The following AIG1 variants were observed in gnomAD, a reference collection of about 807,000 sequenced individuals.
The protein encoded by AIG1 is androgen induced 1, also known as androgen-induced gene 1 protein.
AIG1 carries 23 observed loss-of-function variants against 31.4 expected under a neutral mutation model. The ratio of observed to expected loss-of-function variants is 0.73; its 90% CI spans 0.53 to 1.04. AIG1 has a LOEUF of 1.04. Ranked by LOEUF, AIG1 falls within the 50% of genes least tolerant of loss-of-function variation. The pLI, the probability that AIG1 is intolerant of heterozygous loss-of-function variation, is 0.00. For synonymous variants in AIG1, 100 were observed against 110.5 expected, an observed-to-expected ratio of 0.90 and a Z score of 0.60; for missense variants, 274 against 295.0, an observed-to-expected ratio of 0.93 and a Z score of 0.52.
chr6:143,274,799 C>T (rs531077085), intron 3 of AIG1, among the ~76,000 whole-genome samples: 1 of 152,178 alleles, frequency 6.6e-6, no homozygotes, highest in South Asian at 2.1e-4. Context: ...TCTACACTAC[C>T]TTTGACAAGT....
Position 143,338,293 on chromosome 6 carries a change from T to A in AIG1, c.680-1346T>A. ...TGTTGTACCTTCTTGCCTTCAAACC[T>A]GTTCCTCCTCCCGTCAGATGTCCTT... On this transcript the variant is annotated intron_variant, in intron 5 of 5. Transcript: ENST00000357847. This position sits in a 1 kb window ranked among gnomAD's most constrained non-coding sequence, Gnocchi z 4.3. The A allele has an allele frequency of 3.0e-6, 1 of 336,006 alleles. No homozygotes were observed. Among genetic ancestry groups the A allele is most frequent in the Non-Finnish European group, 5.3e-6 (1 of 187,008 alleles). 20.8% of individuals were successfully genotyped at this position (336,006 alleles called of 1,614,324 possible). A position where few individuals can be genotyped will look rare whatever the true frequency, so the allele number is the denominator to read the frequency against.
downstream of AIG1, among the ~76,000 whole-genome samples, chr6:143,343,548 G>GA (rs1428113987): frequency 6.6e-6 from 1 of 152,030 alleles, no homozygotes; most frequent in Non-Finnish European, 1.5e-5. Flanking sequence ...TTCAGAAAGT[G>GA]AAAATGACAT....
intron 3 of AIG1, among the ~76,000 whole-genome samples, chr6:143,272,809 A>C (rs1388217805): frequency 6.6e-6 from 1 of 151,132 alleles, no homozygotes; most frequent in Non-Finnish European, 1.5e-5. Context: ...AGGCAATGCC[A>C]AGAAACTTGG....
chr6:143,196,419 C>T (rs1790251416), intron 3 of AIG1, among the ~76,000 whole-genome samples: 1 of 150,484 alleles, frequency 6.6e-6, no homozygotes, highest in African/African-American at 2.5e-5. Context: ...AGTTGGAAAA[C>T]TGGCTGCACG....
At chr6:143,187,176 T>C (rs1392360758) in intron 3 of AIG1, among the ~76,000 whole-genome samples, 1 of 152,234 alleles carries the variant, frequency 6.6e-6, no homozygotes, top group African/African-American at 2.4e-5. Context: ...TAAAAGCTGA[T>C]ATAAAATGTA....
intron 3 of AIG1, among the ~76,000 whole-genome samples, chr6:143,198,668 C>T (rs1488115827): frequency 6.6e-6 from 1 of 152,128 alleles, no homozygotes; most frequent in East Asian, 1.9e-4. Context: ...GGTTGTTCCT[C>T]ATCTGCATAG....
intron 1 of AIG1, among the ~76,000 whole-genome samples, chr6:143,086,401 TC>T (rs59270598): frequency 0.13 from 19,256 of 152,076 alleles, 3,776 homozygotes; most frequent in African/African-American, 0.42. Flanking sequence ...TGCCTCTCTT[TC>T]CCCTCTCTCT....
At chr6:143,300,891 G>A (rs1020022859) in intron 4 of AIG1, among the ~76,000 whole-genome samples, 6 of 152,178 alleles carry the variant, frequency 3.9e-5, no homozygotes, top group Non-Finnish European at 8.8e-5. Flanking sequence ...AAACTATTGA[G>A]ATGTAGCTGG....
intron 5 of AIG1, among the ~76,000 whole-genome samples, chr6:143,336,925 A>G (rs760727635): frequency 6.6e-5 from 10 of 151,672 alleles, no homozygotes; most frequent in East Asian, 1.9e-4. Context: ...TTGCAGGGGG[A>G]AAAAAAAAGA....
chr6:143,192,560 G>A (rs561556265), intron 3 of AIG1, among the ~76,000 whole-genome samples: 5 of 150,664 alleles, frequency 3.3e-5, no homozygotes, highest in East Asian at 3.9e-4. Context: ...AGCCAAGATC[G>A]TACTACTTGC....
chr6:143,104,565 T>C lies in AIG1; in HGVS notation c.142-32270T>C, dbSNP rs1183990376. On this transcript the variant is annotated intron_variant, in intron 1 of 5. Coordinates refer to ENST00000357847, the MANE Select transcript of AIG1 (RefSeq NM_016108.4). ...TTTCCCAGGTGTGAGCTCTTCTGTT[T>C]GTGTTTTTATGTTTTAGTGCTGGAT... is the stretch of plus-strand genomic sequence containing the variant. Among the ~76,000 whole-genome samples the C allele has an allele frequency of 2.6e-5, 4 of 152,192 alleles. No individual in the cohort carries two copies. In the East Asian group the frequency reaches 7.7e-4, roughly 29 times the overall value.
downstream of AIG1, chr6:143,343,387 TG>T: frequency 1.8e-6 from 1 of 564,868 alleles, no homozygotes. Context: ...TAAGTAAAAC[TG>T]GGATTGCACA....
chr6:143,329,472 A>G lies in AIG1; in HGVS notation c.516-3810A>G, dbSNP rs1776892798. On this transcript the variant is annotated intron_variant, in intron 4 of 5. Transcript: ENST00000357847. The surrounding 1 kb of genome is among the most constrained non-coding windows in gnomAD (Gnocchi z 4.9). ...GTTGCAAACCTGAGAATTTCACATT[A>G]CATTAGCAGCTCTGACATAGTCTCA... Among the ~76,000 whole-genome samples, 1 of 152,214 alleles carries G rather than the reference A, an allele frequency of 6.6e-6. No individual in the cohort carries two copies. The highest frequency in any genetic ancestry group is 2.4e-5 in the African/African-American group (1 of 41,468).
chr6:143,342,426 G>T, downstream of AIG1: 1 of 752,122 alleles, frequency 1.3e-6, no homozygotes, highest in South Asian at 1.4e-5. Context: ...CAGTAAGGTT[G>T]AACCTCGAAG....
chr6:143,207,482 G>A (rs995081326), intron 3 of AIG1, among the ~76,000 whole-genome samples: 3 of 151,320 alleles, frequency 2.0e-5, no homozygotes, highest in African/African-American at 7.3e-5. Context: ...GCTACATGCA[G>A]CAAACTTTCA....
At chr6:143,265,686 A>G (rs890332164) in intron 3 of AIG1, among the ~76,000 whole-genome samples, 1 of 152,168 alleles carries the variant, frequency 6.6e-6, no homozygotes, top group East Asian at 1.9e-4. Flanking sequence ...AACACAATAT[A>G]CCTCACTAGG....
At position 143,251,271 on chromosome 6, in the gene AIG1, C is replaced by T. The variant is rs186734118; in HGVS notation, c.400-32839C>T. ...TTCTCCATGTTGGCCAGGCTGGTCT[C>T]GAACTCCCGGCCTCAGGTGGTCCGC... On this transcript the variant is annotated intron_variant, in intron 3 of 5. Coordinates refer to ENST00000357847, the MANE Select transcript of AIG1 (RefSeq NM_016108.4). Among the ~76,000 whole-genome samples the T allele has an allele frequency of 1.5e-4, 23 of 152,128 alleles. No individual in the cohort carries two copies. The East Asian group carries it at 2.5e-3, about 17-fold the overall frequency.
chr6:143,182,533 T>C (rs1236155320), intron 3 of AIG1, among the ~76,000 whole-genome samples: 2 of 152,144 alleles, frequency 1.3e-5, no homozygotes, highest in African/African-American at 4.8e-5. Flanking sequence ...TTTTTAGTAA[T>C]ACCTACCCCG....
intron 1 of AIG1, among the ~76,000 whole-genome samples, chr6:143,062,750 GT>G (rs1361598567): frequency 6.6e-6 from 1 of 152,202 alleles, no homozygotes; most frequent in Non-Finnish European, 1.5e-5. Context: ...ACTTAACTAT[GT>G]TAAGGATGTT....
Sources: gnomAD v4.1 joint callset for allele counts (sites outside exome capture counted in the v4.1 genomes callset) on GRCh38, gnomAD v4.1.1 for gene constraint, Gnocchi (gnomAD v3.1) non-coding constraint, MANE v1.5 for transcripts, NCBI Gene and HGNC (gene_info 2026-07-23, HGNC 2026-07-21) for gene names.